The following SUMF1 variants were observed in gnomAD, a reference collection of about 807,000 sequenced individuals.
SUMF1 encodes formylglycine-generating enzyme.
In SUMF1, 48 loss-of-function variants were observed where a neutral mutation model predicts 47.6. The ratio of observed to expected loss-of-function variants is 1.01; its 90% CI spans 0.80 to 1.28. The LOEUF (loss-of-function observed/expected upper bound fraction) is 1.28, where lower values mean the gene tolerates loss of function less well. SUMF1 is among the 50% of genes most tolerant of loss of function. SUMF1 has a pLI of 0.00. For missense variants in SUMF1, 571 were observed against 485.4 expected, an observed-to-expected ratio of 1.18 and a Z score of -1.66; for synonymous variants, 230 against 192.1, an observed-to-expected ratio of 1.20 and a Z score of -1.63.
At chr3:4,463,178 A>G (rs1230918526) in intron 1 of SUMF1, among the ~76,000 whole-genome samples, 1 of 152,240 alleles carries the variant, frequency 6.6e-6, no homozygotes, top group African/African-American at 2.4e-5. Flanking sequence ...AATGTAGAAT[A>G]TCAGACAACT....
At chr3:4,299,325 G>T (rs1049035640) in intron 8 of SUMF1, among the ~76,000 whole-genome samples, 3 of 152,114 alleles carry the variant, frequency 2.0e-5, no homozygotes, top group African/African-American at 7.2e-5. Flanking sequence ...CCCACAGAAG[G>T]GGTACACCTG....
intron 8 of SUMF1, among the ~76,000 whole-genome samples, chr3:4,209,467 G>A (rs893942643): frequency 2.0e-5 from 3 of 152,046 alleles, no homozygotes; most frequent in Non-Finnish European, 4.4e-5. Context: ...ATACTTCTAA[G>A]ATCCTTCCAG....
Position 4,362,002 on chromosome 3 carries a change from G to C in SUMF1, c.*142C>G. The stretch of plus-strand genomic sequence containing the variant: ...CAGGTCAGCAATTTGGTCTCACAAG[G>C]CGGTTCCTTTGGCCATTGGGCAGGT... On this transcript the variant is annotated 3_prime_UTR_variant, in exon 9 of 9. Transcript: ENST00000272902. 1.4e-6 allele frequency: 1 copy of C among 736,736 alleles called. No homozygotes were observed. The highest frequency in any genetic ancestry group is 2.3e-6 in the Non-Finnish European group (1 of 426,952). 45.6% of individuals were successfully genotyped at this position (736,736 alleles called of 1,614,324 possible). A position where few individuals can be genotyped will look rare whatever the true frequency, so the allele number is the denominator to read the frequency against.
At chr3:4,161,783 G>C (rs1382933922) in intron 8 of SUMF1, among the ~76,000 whole-genome samples, 13 of 152,004 alleles carry the variant, frequency 8.6e-5, no homozygotes, top group Non-Finnish European at 1.0e-4. Context: ...AAGCCTATTT[G>C]GTGCCCTACC....
chr3:4,368,603 A>G (rs570625261), intron 8 of SUMF1, among the ~76,000 whole-genome samples: 1 of 152,280 alleles, frequency 6.6e-6, no homozygotes, highest in Admixed American at 6.5e-5. Context: ...TCCAACCATG[A>G]CAGACTGGAT....
intron 8 of SUMF1, among the ~76,000 whole-genome samples, chr3:4,172,173 T>C (rs1238333647): frequency 6.6e-6 from 1 of 152,044 alleles, no homozygotes; most frequent in Non-Finnish European, 1.5e-5. Flanking sequence ...ATTTAGAAAA[T>C]TCAATTAGCA....
chr3:4,415,489 T>C (rs1458553151), intron 6 of SUMF1, among the ~76,000 whole-genome samples: 2 of 152,062 alleles, frequency 1.3e-5, no homozygotes, highest in Non-Finnish European at 2.9e-5. Flanking sequence ...TTTGACTCAA[T>C]CATTTCACTG....
chr3:4,409,433 G>A (rs563266694), intron 7 of SUMF1, among the ~76,000 whole-genome samples: 1 of 152,276 alleles, frequency 6.6e-6, no homozygotes, highest in South Asian at 2.1e-4. Flanking sequence ...ATCCTTAGAA[G>A]AAACACAAGT....
intron 8 of SUMF1, among the ~76,000 whole-genome samples, chr3:4,174,405 C>T (rs1026282937): frequency 6.0e-5 from 9 of 149,728 alleles, no homozygotes; most frequent in Non-Finnish European, 8.9e-5. Flanking sequence ...GGAAATTAAA[C>T]CTGGAATCCA....
chr3:4,309,879 GAA>G (rs1462500832), intron 8 of SUMF1, among the ~76,000 whole-genome samples: 2 of 152,182 alleles, frequency 1.3e-5, no homozygotes, highest in East Asian at 3.8e-4. Context: ...TAACTATGGG[GAA>G]ACAGTCTGAG....
intron 8 of SUMF1, among the ~76,000 whole-genome samples, chr3:4,164,312 T>G (rs568143834): frequency 6.6e-6 from 1 of 152,118 alleles, no homozygotes; most frequent in East Asian, 1.9e-4. Flanking sequence ...CAGGAGGAAG[T>G]CAATTTCCTG....
chr3:4,194,137 G>A (rs531931292), intron 8 of SUMF1, among the ~76,000 whole-genome samples: 20 of 152,204 alleles, frequency 1.3e-4, no homozygotes, highest in African/African-American at 4.8e-4. Flanking sequence ...GGCACTTATA[G>A]ATACTGAGCA....
intron 8 of SUMF1, among the ~76,000 whole-genome samples, chr3:4,150,187 G>A (rs112468215): frequency 8.7e-4 from 132 of 151,958 alleles, no homozygotes; most frequent in African/African-American, 3.1e-3. Flanking sequence ...TTGATCTCCT[G>A]GGCTCAACCA....
intron 8 of SUMF1, among the ~76,000 whole-genome samples, chr3:4,179,998 C>G (rs184754928): frequency 3.9e-5 from 6 of 152,234 alleles, no homozygotes; most frequent in African/African-American, 1.4e-4. Flanking sequence ...AATGAGATAC[C>G]ATCTCACACC....
chr3:4,216,104 C>G (rs182529261), intron 8 of SUMF1, among the ~76,000 whole-genome samples: 10 of 152,240 alleles, frequency 6.6e-5, no homozygotes, highest in Admixed American at 1.3e-4. Context: ...GCAAAAAGAA[C>G]AAAGCTGGAG....
chr3:4,371,338 C>A (rs1700161414), intron 8 of SUMF1, among the ~76,000 whole-genome samples: 1 of 152,116 alleles, frequency 6.6e-6, no homozygotes, highest in African/African-American at 2.4e-5. Flanking sequence ...ATCTCCATGT[C>A]TGTGCTAAGA....
intron 8 of SUMF1, among the ~76,000 whole-genome samples, chr3:4,275,620 T>C (rs1246472186): frequency 6.6e-6 from 1 of 152,162 alleles, no homozygotes; most frequent in East Asian, 1.9e-4. Context: ...GCTTAGTCTA[T>C]TCAGGACCTA....
At chr3:4,111,971 C>G (rs938524640) in intron 8 of SUMF1, among the ~76,000 whole-genome samples, 4 of 150,914 alleles carry the variant, frequency 2.7e-5, no homozygotes, top group African/African-American at 9.8e-5. Flanking sequence ...ATTAGGATGG[C>G]AATTATAGAA....
intron 3 of SUMF1, among the ~76,000 whole-genome samples, chr3:4,440,220 G>A (rs1702536661): frequency 7.8e-6 from 1 of 128,288 alleles, no homozygotes. Flanking sequence ...TCCAGCCTGG[G>A]CAACAAGAGC....
Sources: allele counts gnomAD v4.1 joint callset (sites outside exome capture counted in the v4.1 genomes callset), GRCh38; gene constraint gnomAD v4.1.1; transcripts MANE v1.5; gene names NCBI Gene and HGNC (gene_info 2026-07-23, HGNC 2026-07-21).